CNTN6: variants seen among roughly 807,000 people sequenced by gnomAD.
CNTN6 encodes the protein contactin-6.
In CNTN6, 137 loss-of-function variants were observed where a neutral mutation model predicts 122.8. That is an observed-to-expected ratio of 1.12 (90% CI 0.97 to 1.29). The LOEUF (loss-of-function observed/expected upper bound fraction) is 1.29, where lower values mean the gene tolerates loss of function less well. CNTN6 is among the 50% of genes most tolerant of loss of function. CNTN6 has a pLI of 0.00. For missense variants in CNTN6, 1,634 were observed against 1,223.4 expected (o/e 1.34, Z -5.01); for synonymous variants, 570 against 426.0 (o/e 1.34, Z -4.16).
chr3:1,329,757 A>G, intron 10 of CNTN6, 28 bp from the exon 11 acceptor site: 1 of 1,594,428 alleles, frequency 6.3e-7, no homozygotes, highest in Non-Finnish European at 8.5e-7. Context: ...GAGTAATTAA[A>G]CAATTTTGTC....
At chr3:1,275,092 A>C (rs1448332665) in intron 4 of CNTN6, among the ~76,000 whole-genome samples, 1 of 152,160 alleles carries the variant, frequency 6.6e-6, no homozygotes, top group African/African-American at 2.4e-5. Flanking sequence ...CTTTCCTTAC[A>C]AAGGCCGATC....
intron 20 of CNTN6, among the ~76,000 whole-genome samples, chr3:1,400,842 A>G (rs1424251952): frequency 1.3e-5 from 2 of 152,098 alleles, no homozygotes; most frequent in Non-Finnish European, 2.9e-5. Context: ...CCCTGCTTCA[A>G]TAAGCAGAGT....
At chr3:1,343,389 G>T (rs967808266) in intron 11 of CNTN6, among the ~76,000 whole-genome samples, 1 of 152,026 alleles carries the variant, frequency 6.6e-6, no homozygotes, top group Non-Finnish European at 1.5e-5. Flanking sequence ...GCTTTAAGGG[G>T]CATCAGCAAA....
At chr3:1,098,493 T>G (rs2090658013) in intron 1 of CNTN6, among the ~76,000 whole-genome samples, 1 of 151,436 alleles carries the variant, frequency 6.6e-6, no homozygotes, top group Admixed American at 6.6e-5. Flanking sequence ...GAGAAAACAA[T>G]AAAATAAAAA....
intron 4 of CNTN6, among the ~76,000 whole-genome samples, chr3:1,254,984 G>T (rs1267336992): frequency 2.0e-5 from 3 of 152,026 alleles, no homozygotes; most frequent in Non-Finnish European, 4.4e-5. Flanking sequence ...TAATCTTGCT[G>T]GGCTAATTCA....
chr3:1,317,719 G>T (rs952946400), intron 7 of CNTN6, among the ~76,000 whole-genome samples: 1 of 151,608 alleles, frequency 6.6e-6, no homozygotes, highest in Non-Finnish European at 1.5e-5. Flanking sequence ...ATTGTCTCTG[G>T]TTGGTTTGTC....
chr3:1,206,540 T>C (rs1033320071), intron 2 of CNTN6, among the ~76,000 whole-genome samples: 1 of 152,144 alleles, frequency 6.6e-6, no homozygotes, highest in Non-Finnish European at 1.5e-5. Context: ...CCCAGAATCA[T>C]GTCAATATAA....
chr3:1,307,477 C>CCCCCA (rs111554934), intron 7 of CNTN6, among the ~76,000 whole-genome samples: 9 of 151,668 alleles, frequency 5.9e-5, no homozygotes, highest in Non-Finnish European at 8.8e-5. Flanking sequence ...TATAACCCCC[C>CCCCCA]CACACACAAT....
intron 2 of CNTN6, among the ~76,000 whole-genome samples, chr3:1,169,057 T>C (rs1478103932): frequency 6.6e-6 from 1 of 152,072 alleles, no homozygotes; most frequent in African/African-American, 2.4e-5. Context: ...CTGATGGGGA[T>C]GCAGTGAGTG....
At chr3:1,105,518 G>C (rs1320712104) in intron 1 of CNTN6, among the ~76,000 whole-genome samples, 3 of 152,094 alleles carry the variant, frequency 2.0e-5, no homozygotes, top group African/African-American at 7.2e-5. Flanking sequence ...TTGAACCTCA[G>C]TTTTCAAATG....
At chr3:1,378,112 G>T (rs1575954542) in intron 17 of CNTN6, among the ~76,000 whole-genome samples, 1 of 151,978 alleles carries the variant, frequency 6.6e-6, no homozygotes, top group Non-Finnish European at 1.5e-5. Flanking sequence ...TTTGTGGATA[G>T]AGTCCCCTTG....
intron 11 of CNTN6, among the ~76,000 whole-genome samples, chr3:1,346,219 T>C (rs569053403): frequency 9.8e-5 from 15 of 152,300 alleles, no homozygotes; most frequent in African/African-American, 3.1e-4. Flanking sequence ...CTCTATTGTA[T>C]TGAAATAGTT....
At chr3:1,382,281 G>A (rs932909562) in intron 17 of CNTN6, among the ~76,000 whole-genome samples, 1 of 151,946 alleles carries the variant, frequency 6.6e-6, no homozygotes, top group Non-Finnish European at 1.5e-5. Context: ...GAGTACAGGG[G>A]GAATATTACC....
chr3:1,244,364 A>C (rs978156070), intron 4 of CNTN6, among the ~76,000 whole-genome samples: 1 of 150,934 alleles, frequency 6.6e-6, no homozygotes, highest in Non-Finnish European at 1.5e-5. Context: ...GGTGAAGGAG[A>C]AGGGGTTGAG....
intron 1 of CNTN6, among the ~76,000 whole-genome samples, chr3:1,093,382 A>G (rs1247537144): frequency 2.6e-5 from 4 of 152,220 alleles, no homozygotes; most frequent in Non-Finnish European, 4.4e-5. Flanking sequence ...GACTACAGGT[A>G]TATTTCTCAG....
chr3:1,101,047 G>A (rs996324201), intron 1 of CNTN6, among the ~76,000 whole-genome samples: 6 of 151,998 alleles, frequency 3.9e-5, no homozygotes, highest in African/African-American at 1.4e-4. Context: ...GCATAGCATC[G>A]CATTGCTATT....
chr3:1,121,026 C>T (rs2091927620), intron 1 of CNTN6, among the ~76,000 whole-genome samples: 1 of 152,066 alleles, frequency 6.6e-6, no homozygotes, highest in Non-Finnish European at 1.5e-5. Flanking sequence ...AAAATATGAA[C>T]ATAGTAGATA....
chr3:1,340,163 G>A (rs909711340), intron 11 of CNTN6, among the ~76,000 whole-genome samples: 1 of 152,088 alleles, frequency 6.6e-6, no homozygotes, highest in Non-Finnish European at 1.5e-5. Flanking sequence ...GAGAAGCTCT[G>A]ACTCAAAGCC....
chr3:1,326,434 A>C (rs1301841721), intron 9 of CNTN6, among the ~76,000 whole-genome samples: 6 of 151,876 alleles, frequency 4.0e-5, no homozygotes, highest in Non-Finnish European at 8.8e-5. Flanking sequence ...TAAATGTTAG[A>C]ATTAGCATTT....
Sources: allele counts gnomAD v4.1 joint callset (sites outside exome capture counted in the v4.1 genomes callset), GRCh38; gene constraint gnomAD v4.1.1; transcripts MANE v1.5; gene names NCBI Gene and HGNC (gene_info 2026-07-23, HGNC 2026-07-21).